Variants in RAD50 observed in about 807,000 individuals in gnomAD.
The protein encoded by RAD50 is DNA repair protein RAD50.
RAD50 carries 132 observed loss-of-function variants against 168.8 expected under a neutral mutation model. The observed-to-expected ratio is 0.78, with a 90% CI of 0.68 to 0.90. RAD50 has a LOEUF of 0.90. Ranked by LOEUF, RAD50 falls within the 40% of genes least tolerant of loss-of-function variation. RAD50 has a pLI of 0.00. For synonymous variants in RAD50, 525 were observed against 497.4 expected (o/e 1.06, Z -0.74); for missense variants, 1,347 against 1,534.4 (o/e 0.88, Z 2.04).
intron 13 of RAD50, 125 bp from the exon 14 acceptor site, chr5:132,603,175 C>T: frequency 2.4e-6 from 2 of 824,682 alleles, no homozygotes; most frequent in Non-Finnish European, 3.8e-6. Context: ...ATTCCATATC[C>T]ACTGATATGA....
intron 3 of RAD50, among the ~76,000 whole-genome samples, chr5:132,578,996 T>C (rs1362584708): frequency 1.3e-5 from 2 of 152,210 alleles, no homozygotes; most frequent in Non-Finnish European, 2.9e-5. Flanking sequence ...GTTTTATTCT[T>C]TGTCTCTTAT....
intron 11 of RAD50, chr5:132,592,724 C>T (rs1379259166): frequency 4.6e-6 from 2 of 432,114 alleles, no homozygotes; most frequent in East Asian, 7.2e-5. Context: ...ACCACTTCCA[C>T]CACTTGTTAG....
chr5:132,596,053 A>G (rs1436595818), intron 13 of RAD50, among the ~76,000 whole-genome samples: 1 of 150,942 alleles, frequency 6.6e-6, no homozygotes, highest in Non-Finnish European at 1.5e-5. Context: ...GCTGGAGTGC[A>G]GTGGCATGAT....
At chr5:132,605,075 C>T (rs1470075680) in intron 16 of RAD50, 76 bp downstream of exon 16, 11 of 1,167,312 alleles carry the variant, frequency 9.4e-6, no homozygotes, top group East Asian at 3.0e-5. Context: ...GAGACAGTCT[C>T]GTTCTGTCAC....
rs768319327 is a variant in RAD50, at chr5:132,640,655, TAG to T, written c.3619-16_3619-15del. The T allele has an allele frequency of 1.9e-6, 3 of 1,614,080 alleles. No individual in the cohort carries two copies. Among genetic ancestry groups the T allele is most frequent in the Non-Finnish European group, 1.7e-6 (2 of 1,180,034 alleles). The stretch of plus-strand genomic sequence containing the variant: ...GAAGGTCTGTGCTGGGCTTCTCACA[TAG>T]GGGCTTTTTTCCAGGTATTAGCCTC... On this transcript the variant is annotated splice_polypyrimidine_tract_variant and intron_variant, in intron 23 of 24. Coordinates refer to ENST00000378823, the MANE Select transcript of RAD50 (RefSeq NM_005732.4).
At chr5:132,612,375 A>G (rs980218548) in intron 19 of RAD50, among the ~76,000 whole-genome samples, 4 of 152,210 alleles carry the variant, frequency 2.6e-5, no homozygotes, top group Non-Finnish European at 5.9e-5. Context: ...GCTATTGAAT[A>G]TGAGATTTCC....
At chr5:132,619,815 C>CCT (rs58174018) in intron 21 of RAD50, among the ~76,000 whole-genome samples, 1,695 of 118,170 alleles carry the variant, frequency 0.014, 17 homozygotes, top group Admixed American at 0.03. Flanking sequence ...TCTCTCTACT[C>CCT]CTCTCTCTCT....
Position 132,557,202 on chromosome 5 carries a change from C to T in RAD50, c.-123C>T, listed in dbSNP as rs1017168426. 1.4e-6 allele frequency: 2 copies of T among 1,388,936 alleles called. No homozygotes were observed. Among genetic ancestry groups the T allele is most frequent in the Non-Finnish European group, 2.0e-6 (2 of 982,836 alleles). 86.0% of individuals were successfully genotyped at this position (1,388,936 alleles called of 1,614,324 possible). A position where few individuals can be genotyped will look rare whatever the true frequency, so the allele number is the denominator to read the frequency against. ...CTTTTGGCAGTCCTGTGGCCTCGCT[C>T]CCCGCCCGGATCCTCCTGACCCTGA... On this transcript the variant is annotated 5_prime_UTR_variant, in exon 1 of 25. Transcript: ENST00000378823.
chr5:132,638,293 A>T (rs1159859604), intron 23 of RAD50, 70 bp downstream of exon 23: 5 of 1,572,284 alleles, frequency 3.2e-6, no homozygotes, highest in Non-Finnish European at 3.5e-6. Context: ...ACATCAGTGC[A>T]GTGGAAGCAC....
chr5:132,557,710 C>G (rs1454631407), intron 1 of RAD50, among the ~76,000 whole-genome samples: 4 of 152,328 alleles, frequency 2.6e-5, no homozygotes, highest in South Asian at 4.1e-4. Flanking sequence ...GCTGTCGCCG[C>G]TCACTCAGAG....
chr5:132,598,051 CTT>C (rs11414936), intron 13 of RAD50, among the ~76,000 whole-genome samples: 18 of 142,574 alleles, frequency 1.3e-4, no homozygotes, highest in Non-Finnish European at 9.3e-5. Flanking sequence ...ATCACGGCTC[CTT>C]TTTTTTTTTT....
intron 21 of RAD50, among the ~76,000 whole-genome samples, chr5:132,630,135 C>T (rs777769306): frequency 2.0e-5 from 3 of 151,866 alleles, no homozygotes; most frequent in Non-Finnish European, 4.4e-5. Context: ...CTCCACCTCC[C>T]GGGTTCAAGC....
intron 20 of RAD50, among the ~76,000 whole-genome samples, chr5:132,617,503 T>G (rs781225772): frequency 1.2e-4 from 18 of 152,224 alleles, no homozygotes; most frequent in Non-Finnish European, 1.5e-4. Flanking sequence ...TTGTATAATC[T>G]GCCAAAATAT....
chr5:132,600,509 G>A (rs982535236), intron 13 of RAD50, among the ~76,000 whole-genome samples: 6 of 152,104 alleles, frequency 3.9e-5, no homozygotes, highest in Non-Finnish European at 8.8e-5. Flanking sequence ...TCTTCTTTGC[G>A]GGAAATATTT....
intron 2 of RAD50, among the ~76,000 whole-genome samples, chr5:132,573,355 G>T (rs568034328): frequency 6.6e-6 from 1 of 152,278 alleles, no homozygotes; most frequent in African/African-American, 2.4e-5. Context: ...TCACATGGTG[G>T]CAAATGAGAG....
At position 132,568,074 on chromosome 5, in the gene RAD50, T is replaced by A. The variant is rs1037937844; in HGVS notation, c.214-7703T>A. Among the ~76,000 whole-genome samples, 50 of 152,010 alleles carry A rather than the reference T, an allele frequency of 3.3e-4. No individual in the cohort carries two copies. The East Asian group carries it at 3.7e-3, about 11-fold the overall frequency. The stretch of plus-strand genomic sequence containing the variant: ...CAAGGATTTTTTTTTAAATTTTTTT[T>A]AAATTTTTTTTTTTGAGATGGAGTC... On this transcript the variant is annotated intron_variant, in intron 2 of 24. Transcript: ENST00000378823.
chr5:132,566,100 AGT>A, intron 2 of RAD50, among the ~76,000 whole-genome samples: 1 of 152,158 alleles, frequency 6.6e-6, no homozygotes, highest in Admixed American at 6.5e-5. Flanking sequence ...ATTGTTCTGA[AGT>A]ATAATACACA....
intron 1 of RAD50, among the ~76,000 whole-genome samples, chr5:132,558,812 T>G (rs745440347): frequency 1.1e-4 from 16 of 151,676 alleles, no homozygotes; most frequent in Admixed American, 4.6e-4. Context: ...GGCTGGGGGA[T>G]TGCTTGAGCC....
chr5:132,602,517 G>C (rs1750906109), intron 13 of RAD50, among the ~76,000 whole-genome samples: 2 of 152,108 alleles, frequency 1.3e-5, no homozygotes, highest in Non-Finnish European at 2.9e-5. Flanking sequence ...AACCCATGTA[G>C]CATTTCACTT....
Sources: allele counts gnomAD v4.1 joint callset (sites outside exome capture counted in the v4.1 genomes callset), GRCh38; gene constraint gnomAD v4.1.1; transcripts MANE v1.5; gene names NCBI Gene and HGNC (gene_info 2026-07-23, HGNC 2026-07-21).